CSMD1: variants seen among roughly 807,000 people sequenced by gnomAD.
CSMD1 encodes CUB and sushi domain-containing protein 1.
CSMD1 carries 213 observed loss-of-function variants against 417.5 expected under a neutral mutation model. The ratio of observed to expected loss-of-function variants is 0.51; its 90% CI spans 0.46 to 0.57. The LOEUF is 0.57. Among genes scored for constraint, CSMD1 ranks in the 20% least tolerant of loss-of-function variants. The pLI, the probability that CSMD1 is intolerant of heterozygous loss-of-function variation, is 0.00. For missense variants in CSMD1, 6,923 were observed against 4,529.7 expected (o/e 1.53, Z -15.17); for synonymous variants, 2,862 against 1,736.8 (o/e 1.65, Z -16.11).
At chr8:3,491,540 G>A (rs1424666396) in intron 11 of CSMD1, among the ~76,000 whole-genome samples, 1 of 152,146 alleles carries the variant, frequency 6.6e-6, no homozygotes, top group Non-Finnish European at 1.5e-5. Context: ...GTAATAGTTG[G>A]AATGGGCCAG....
chr8:3,420,607 T>C (rs1222242454), intron 12 of CSMD1, among the ~76,000 whole-genome samples: 3 of 152,158 alleles, frequency 2.0e-5, no homozygotes, highest in Non-Finnish European at 4.4e-5. Flanking sequence ...TACTTTAAAA[T>C]CAAAAATGTT....
intron 3 of CSMD1, among the ~76,000 whole-genome samples, chr8:4,039,799 G>A (rs913502508): frequency 6.6e-6 from 1 of 152,224 alleles, no homozygotes; most frequent in Non-Finnish European, 1.5e-5. Flanking sequence ...ATATGGCACA[G>A]GGAGTTACAG....
chr8:4,681,016 T>G (rs1284268286), intron 1 of CSMD1, among the ~76,000 whole-genome samples: 1 of 149,012 alleles, frequency 6.7e-6, no homozygotes, highest in South Asian at 2.2e-4. Context: ...GAGAAAGTCA[T>G]GCAACCTCTG....
chr8:4,573,557 G>C (rs1190684832), intron 2 of CSMD1, among the ~76,000 whole-genome samples: 1 of 152,140 alleles, frequency 6.6e-6, no homozygotes, highest in Non-Finnish European at 1.5e-5. Flanking sequence ...GATGTCTGTT[G>C]ATCCCTGCTG....
At chr8:3,540,616 T>G (rs1798397106) in intron 10 of CSMD1, among the ~76,000 whole-genome samples, 1 of 151,604 alleles carries the variant, frequency 6.6e-6, no homozygotes, top group African/African-American at 2.4e-5. Context: ...TGGGAGAAAA[T>G]TTTTGCAATC....
intron 3 of CSMD1, among the ~76,000 whole-genome samples, chr8:4,304,880 T>A (rs539226735): frequency 2.0e-5 from 3 of 152,312 alleles, no homozygotes; most frequent in East Asian, 3.9e-4. Context: ...CAAAATATAC[T>A]CTTAATCTAT....
At chr8:3,055,157 C>T (rs13255697) in intron 49 of CSMD1, among the ~76,000 whole-genome samples, 64,983 of 152,078 alleles carry the variant, frequency 0.43, 15,957 homozygotes, top group Non-Finnish European at 0.55. Flanking sequence ...AGATGACATT[C>T]TACAAACACA....
chr8:3,475,958 T>A (rs1046230737), intron 11 of CSMD1, among the ~76,000 whole-genome samples: 1 of 152,238 alleles, frequency 6.6e-6, no homozygotes, highest in Non-Finnish European at 1.5e-5. Flanking sequence ...GTCATTTTAC[T>A]GTGTAGACAA....
At chr8:4,965,172 G>A (rs1197771775) in intron 1 of CSMD1, among the ~76,000 whole-genome samples, 2 of 152,122 alleles carry the variant, frequency 1.3e-5, no homozygotes, top group African/African-American at 4.8e-5. Context: ...GATATCATGA[G>A]TTATGTATCT....
chr8:3,956,203 T>C (rs1811935171), intron 5 of CSMD1, among the ~76,000 whole-genome samples: 1 of 152,206 alleles, frequency 6.6e-6, no homozygotes, highest in Admixed American at 6.5e-5. Flanking sequence ...CATAACTAAA[T>C]GTAGATAGCA....
chr8:4,479,869 G>A (rs1267525941), intron 2 of CSMD1, among the ~76,000 whole-genome samples: 2 of 151,840 alleles, frequency 1.3e-5, no homozygotes, highest in African/African-American at 2.4e-5. Flanking sequence ...GGGAGGCTGA[G>A]GCAGGAGAAT....
At chr8:4,200,083 T>C (rs1469801062) in intron 3 of CSMD1, among the ~76,000 whole-genome samples, 3 of 152,184 alleles carry the variant, frequency 2.0e-5, no homozygotes, top group African/African-American at 7.2e-5. Flanking sequence ...CCTCTTTATA[T>C]TTTTATGTAA....
At chr8:4,696,387 G>A (rs962808697) in intron 1 of CSMD1, among the ~76,000 whole-genome samples, 12 of 152,124 alleles carry the variant, frequency 7.9e-5, no homozygotes. Flanking sequence ...ATAGTATGAA[G>A]AATTTTAACT....
intron 3 of CSMD1, among the ~76,000 whole-genome samples, chr8:4,295,091 TACACAC>T (rs1387017255): frequency 7.6e-4 from 79 of 103,622 alleles, no homozygotes; most frequent in South Asian, 6.7e-3. Flanking sequence ...ATCTTAAGAT[TACACAC>T]ATATAATCTT....
chr8:3,060,288 G>A (rs1812508087), intron 49 of CSMD1, among the ~76,000 whole-genome samples: 1 of 151,892 alleles, frequency 6.6e-6, no homozygotes, highest in Non-Finnish European at 1.5e-5. Flanking sequence ...TGGGATTACA[G>A]GCGTGCACCA....
At chr8:4,382,258 T>C (rs376889783) in intron 3 of CSMD1, among the ~76,000 whole-genome samples, 20 of 152,320 alleles carry the variant, frequency 1.3e-4, no homozygotes, top group South Asian at 1.0e-3. Context: ...ATAAAGATCA[T>C]TGACCTGACA....
At position 4,606,356 on chromosome 8, in the gene CSMD1, G is replaced by C. The variant is rs1381987681; in HGVS notation, c.302+30986C>G. On this transcript the variant is annotated intron_variant, in intron 2 of 69. Coordinates refer to ENST00000635120, the MANE Select transcript of CSMD1 (RefSeq NM_033225.6). ...GAAAACAGTCAAGGAAACAGGGAGA[G>C]AAAAAAAAAAAAGAGTTCTTTCTGT... Among the ~76,000 whole-genome samples the C allele has an allele frequency of 2.8e-5, 4 of 143,312 alleles. No individual in the cohort carries two copies. In the South Asian group the frequency reaches 6.7e-4, roughly 24 times the overall value. 94.0% of individuals were successfully genotyped at this position (143,312 alleles called of 152,430 possible). A position where few individuals can be genotyped will look rare whatever the true frequency, so the allele number is the denominator to read the frequency against.
intron 2 of CSMD1, among the ~76,000 whole-genome samples, chr8:4,623,726 T>C (rs1028437385): frequency 3.9e-5 from 6 of 152,110 alleles, no homozygotes; most frequent in Non-Finnish European, 8.8e-5. Context: ...GTTAGGCATA[T>C]ACAGATGTGT....
chr8:4,066,724 G>C (rs915947795), intron 3 of CSMD1, among the ~76,000 whole-genome samples: 1 of 152,102 alleles, frequency 6.6e-6, no homozygotes, highest in East Asian at 1.9e-4. Context: ...TGTTTGGGAC[G>C]AGAGTGAAGA....
Sources: allele counts gnomAD v4.1 joint callset (sites outside exome capture counted in the v4.1 genomes callset), GRCh38; gene constraint gnomAD v4.1.1; transcripts MANE v1.5; gene names NCBI Gene and HGNC (gene_info 2026-07-23, HGNC 2026-07-21).